The following EXT1 variants were observed in gnomAD, a reference collection of about 807,000 sequenced individuals.
EXT1 encodes the protein exostosin-1.
A neutral mutation model predicts 82.5 loss-of-function variants in EXT1; 20 were observed. That is an observed-to-expected ratio of 0.24 (90% CI 0.17 to 0.35). The LOEUF (loss-of-function observed/expected upper bound fraction) is 0.35. Among genes scored for constraint, EXT1 ranks in the 10% least tolerant of loss-of-function variants. The pLI, the probability that EXT1 is intolerant of heterozygous loss-of-function variation, is 1.00. For missense variants in EXT1, 757 were observed against 936.5 expected (o/e 0.81, Z 2.50); for synonymous variants, 348 against 350.8 (o/e 0.99, Z 0.09).
At position 117,798,038 on chromosome 8, in the gene EXT1, T is replaced by C. The variant is rs1823109002; in HGVS notation, c.*1674A>G. The C allele has an allele frequency of 6.6e-6, 1 of 152,240 alleles. No individual in the cohort carries two copies. Among genetic ancestry groups the C allele is most frequent in the African/African-American group, 2.4e-5 (1 of 41,466 alleles). 9.4% of individuals were successfully genotyped at this position (152,240 alleles called of 1,614,324 possible). The stretch of plus-strand genomic sequence containing the variant: ...CTTCCACAAACACTTTCACTCCTGT[T>C]TACAGCACCATCCCCGTGCTATCAT... On this transcript the variant is annotated 3_prime_UTR_variant, in exon 11 of 11. Coordinates refer to ENST00000378204, the MANE Select transcript of EXT1 (RefSeq NM_000127.3).
At chr8:118,043,253 T>C (rs981072874) in intron 1 of EXT1, among the ~76,000 whole-genome samples, 2 of 152,236 alleles carry the variant, frequency 1.3e-5, no homozygotes, top group African/African-American at 4.8e-5. Context: ...ACGTGGGCCA[T>C]GGCCACGAAG....
chr8:118,037,894 G>GC (rs1004484242), intron 1 of EXT1, among the ~76,000 whole-genome samples: 1 of 139,450 alleles, frequency 7.2e-6, no homozygotes. Flanking sequence ...AGACTGCAGT[G>GC]CAATGGCATG....
chr8:117,911,768 C>A (rs187252896), intron 1 of EXT1, among the ~76,000 whole-genome samples: 66 of 152,304 alleles, frequency 4.3e-4, no homozygotes, highest in South Asian at 8.3e-4. Context: ...ACTGAGCTGG[C>A]CTGCTGCAAA....
chr8:117,805,908 T>C (rs1323219394), intron 9 of EXT1, among the ~76,000 whole-genome samples: 2 of 152,220 alleles, frequency 1.3e-5, no homozygotes, highest in African/African-American at 4.8e-5. Context: ...GCTTTTTCCA[T>C]ATATCCTTTT....
chr8:118,091,565 C>T (rs1484439046), intron 1 of EXT1, among the ~76,000 whole-genome samples: 6 of 151,936 alleles, frequency 3.9e-5, no homozygotes, highest in African/African-American at 1.2e-4. Flanking sequence ...AGTGAAACTC[C>T]GTCTCTACTA....
At chr8:118,046,306 T>C (rs1816621946) in intron 1 of EXT1, among the ~76,000 whole-genome samples, 1 of 152,100 alleles carries the variant, frequency 6.6e-6, no homozygotes, top group African/African-American at 2.4e-5. Context: ...TTTGGATCCA[T>C]GAGCATCAGC....
At chr8:117,890,422 C>T (rs962570035) in intron 1 of EXT1, among the ~76,000 whole-genome samples, 8 of 152,098 alleles carry the variant, frequency 5.3e-5, no homozygotes, top group African/African-American at 1.2e-4. Flanking sequence ...TCCTACAATG[C>T]GCAGAAGAGC....
At chr8:117,891,158 C>A (rs1276292759) in intron 1 of EXT1, among the ~76,000 whole-genome samples, 1 of 152,174 alleles carries the variant, frequency 6.6e-6, no homozygotes, top group Admixed American at 6.5e-5. Flanking sequence ...CACAAGAACA[C>A]CAAAAGGCCT....
intron 1 of EXT1, among the ~76,000 whole-genome samples, chr8:117,986,753 C>T (rs1815329765): frequency 6.6e-6 from 1 of 152,164 alleles, no homozygotes; most frequent in African/African-American, 2.4e-5. Context: ...AATGCATCCC[C>T]ATAGCATGGA....
intron 1 of EXT1, among the ~76,000 whole-genome samples, chr8:117,889,079 T>C (rs529061734): frequency 1.6e-4 from 24 of 152,292 alleles, no homozygotes; most frequent in African/African-American, 5.8e-4. Flanking sequence ...TCTCCATTCC[T>C]TTGCTATGAG....
Position 117,937,274 on chromosome 8 carries a change from T to C in EXT1, c.963-100073A>G, listed in dbSNP as rs571389539. 3.9e-5 allele frequency among the ~76,000 whole-genome samples: 6 copies of C among 152,380 alleles called. No homozygotes were observed. In the South Asian group the frequency reaches 1.0e-3, roughly 26 times the overall value. ...TCTTGGGCTGAAATCATTGCACTTGTACACAACCAGTGTAGGTAATGGAAG... is the reference window on the plus strand; with the variant it reads ...TCTTGGGCTGAAATCATTGCACTTGCACACAACCAGTGTAGGTAATGGAAG... On this transcript the variant is annotated intron_variant, in intron 1 of 10. Transcript: ENST00000378204.
At chr8:117,991,960 T>A (rs1224758996) in intron 1 of EXT1, among the ~76,000 whole-genome samples, 1 of 152,184 alleles carries the variant, frequency 6.6e-6, no homozygotes, top group African/African-American at 2.4e-5. Flanking sequence ...TCTACTACCA[T>A]CAGGGTCAAA....
intron 6 of EXT1, 48 bp downstream of exon 6, chr8:117,819,628 G>T (rs1250611398): frequency 2.0e-6 from 3 of 1,534,290 alleles, no homozygotes; most frequent in Non-Finnish European, 2.7e-6. Context: ...GGAGTCTCTG[G>T]TCTGGAGCTG....
intron 1 of EXT1, among the ~76,000 whole-genome samples, chr8:117,898,848 A>T (rs1325169034): frequency 6.6e-6 from 1 of 152,158 alleles, no homozygotes; most frequent in Non-Finnish European, 1.5e-5. Context: ...GAATGAACAC[A>T]GCTCTTCCAA....
intron 1 of EXT1, among the ~76,000 whole-genome samples, chr8:118,078,230 G>A (rs970875754): frequency 6.6e-5 from 10 of 151,946 alleles, no homozygotes; most frequent in Admixed American, 1.3e-4. Context: ...ATGAAGTCTC[G>A]CTCTGTCACC....
chr8:117,973,926 A>AAAGC (rs1310395270), intron 1 of EXT1, among the ~76,000 whole-genome samples: 2 of 71,682 alleles, frequency 2.8e-5, no homozygotes, highest in East Asian at 6.8e-4. Context: ...AGAAAGGCAG[A>AAAGC]AAGCAAGGAA....
intron 1 of EXT1, among the ~76,000 whole-genome samples, chr8:117,924,722 T>C (rs1187238081): frequency 1.3e-5 from 2 of 152,218 alleles, no homozygotes; most frequent in Non-Finnish European, 2.9e-5. Context: ...CAGTATAGTT[T>C]GGAAAGGCAT....
At chr8:117,803,022 GTA>G (rs768299325) in intron 10 of EXT1, among the ~76,000 whole-genome samples, 9 of 152,268 alleles carry the variant, frequency 5.9e-5, no homozygotes, top group Non-Finnish European at 1.2e-4. Flanking sequence ...AGCTAGATTT[GTA>G]TATGTTTTCC....
At chr8:117,864,841 T>C (rs1476132561) in intron 1 of EXT1, among the ~76,000 whole-genome samples, 1 of 152,062 alleles carries the variant, frequency 6.6e-6, no homozygotes, top group East Asian at 1.9e-4. Flanking sequence ...AAAGTTGTTC[T>C]GGTCTGCATG....
Sources: allele counts gnomAD v4.1 joint callset (sites outside exome capture counted in the v4.1 genomes callset), GRCh38; gene constraint gnomAD v4.1.1; transcripts MANE v1.5; gene names NCBI Gene and HGNC (gene_info 2026-07-23, HGNC 2026-07-21).